ZNF148: variants seen among roughly 807,000 people sequenced by gnomAD.
ZNF148 encodes Beta-Enolase Repressor Factor-1.
Under a neutral mutation model 67.7 loss-of-function variants are expected in ZNF148, and 7 were observed. That is an observed-to-expected ratio of 0.10 (90% CI 0.06 to 0.19). The LOEUF is 0.19. ZNF148 is among the 10% of genes least tolerant of loss of function. The pLI, the probability that ZNF148 is intolerant of heterozygous loss-of-function variation, is 1.00. For synonymous variants in ZNF148, 333 were observed against 330.7 expected (o/e 1.01, Z -0.08); for missense variants, 583 against 947.1 (o/e 0.62, Z 5.05).
intron 1 of ZNF148, among the ~76,000 whole-genome samples, chr3:125,337,439 A>T (rs1429973304): frequency 6.6e-6 from 1 of 152,210 alleles, no homozygotes; most frequent in African/African-American, 2.4e-5. Context: ...CCTTCCCCAG[A>T]TAATGTAAAT....
At chr3:125,338,609 G>T (rs191051548) in intron 1 of ZNF148, among the ~76,000 whole-genome samples, 2 of 117,144 alleles carry the variant, frequency 1.7e-5, no homozygotes, top group African/African-American at 3.4e-5. Context: ...GCAGTGAGCC[G>T]ACATTGTGCC....
At chr3:125,284,339 A>T (rs1422415973) in intron 5 of ZNF148, among the ~76,000 whole-genome samples, 1 of 152,192 alleles carries the variant, frequency 6.6e-6, no homozygotes, top group Admixed American at 6.5e-5. Context: ...TTTCAAGCTT[A>T]AGAGTATAAC....
rs939698124 is a variant in ZNF148, at chr3:125,348,406, G to A, written c.-233-17168C>T. 1.9e-4 allele frequency among the ~76,000 whole-genome samples: 28 copies of A among 148,572 alleles called. 1 individual carries two copies. The highest frequency in any genetic ancestry group is 3.0e-5 in the Non-Finnish European group (2 of 67,622). ...TGAGACAGGAGGATCACTCGGGCCC[G>A]AGACGCCAAGGTTGCAGTGAGCTGT... On this transcript the variant is annotated intron_variant, in intron 1 of 8. Coordinates refer to ENST00000360647, the MANE Select transcript of ZNF148 (RefSeq NM_021964.3).
rs1245997872 is a variant in ZNF148, at chr3:125,318,459, G to A, written c.-16-4803C>T. The stretch of plus-strand genomic sequence containing the variant: ...CAGAAGAGAGGAGGAAAGAAAGAAT[G>A]CTTCCTTTAAATCTTATTACTCACA... On this transcript the variant is annotated intron_variant, in intron 3 of 8. Transcript: ENST00000360647. Among the ~76,000 whole-genome samples, 4 of 152,102 alleles carry A rather than the reference G, an allele frequency of 2.6e-5. No individual in the cohort carries two copies. The South Asian group carries it at 8.3e-4, about 32-fold the overall frequency.
At position 125,336,677 on chromosome 3, in the gene ZNF148, C is replaced by CTTTTTTTTTTTTTTTT. The variant is rs71148176; in HGVS notation, c.-233-5455_-233-5440dup. On this transcript the variant is annotated intron_variant, in intron 1 of 8. Transcript: ENST00000360647. Reference sequence around the variant, plus strand: ...TCAAACCAACCACCCCAGAAATCACCTTTTTTTTTTTTTTTTTTGAGATGT... The same window carrying CTTTTTTTTTTTTTTTT: ...TCAAACCAACCACCCCAGAAATCACCTTTTTTTTTTTTTTTTTTTTTTTTTTTTTTTTTTGAGATGT... Among the ~76,000 whole-genome samples the CTTTTTTTTTTTTTTTT allele has an allele frequency of 4.2e-5, 4 of 95,336 alleles. 1 individual carries two copies. Among genetic ancestry groups the CTTTTTTTTTTTTTTTT allele is most frequent in the African/African-American group, 1.3e-4 (3 of 22,476 alleles). The allele number at this position is 95,336 out of a possible 152,430, so 62.5% of individuals were successfully genotyped here. A position where few individuals can be genotyped will look rare whatever the true frequency, so the allele number is the denominator to read the frequency against.
intron 4 of ZNF148, among the ~76,000 whole-genome samples, chr3:125,312,217 A>G (rs1316255135): frequency 6.6e-6 from 1 of 152,214 alleles, no homozygotes; most frequent in Admixed American, 6.5e-5. Context: ...ACCACATCTA[A>G]AAAGAACTAT....
intron 4 of ZNF148, among the ~76,000 whole-genome samples, chr3:125,299,045 T>TA (rs1446228611): frequency 2.0e-5 from 3 of 152,248 alleles, no homozygotes; most frequent in African/African-American, 7.2e-5. Context: ...TCTTTGGAAT[T>TA]AGAGTAGTAG....
intron 8 of ZNF148, 26 bp downstream of exon 8, chr3:125,234,185 G>C: frequency 6.9e-7 from 1 of 1,441,604 alleles, no homozygotes. Flanking sequence ...AATTACAGTA[G>C]AAGAATTTCA....
At chr3:125,362,227 A>T (rs1457744147) in intron 1 of ZNF148, among the ~76,000 whole-genome samples, 1 of 152,070 alleles carries the variant, frequency 6.6e-6, no homozygotes, top group Non-Finnish European at 1.5e-5. Flanking sequence ...AAATACTCGA[A>T]CCCTTCTATA....
At chr3:125,291,538 G>T (rs1297467751) in intron 4 of ZNF148, among the ~76,000 whole-genome samples, 1 of 152,024 alleles carries the variant, frequency 6.6e-6, no homozygotes. Context: ...AAGGAAGGTG[G>T]TCTTTCTGTT....
intron 7 of ZNF148, among the ~76,000 whole-genome samples, chr3:125,259,255 T>TG (rs1937230357): frequency 6.6e-6 from 1 of 152,074 alleles, no homozygotes; most frequent in Non-Finnish European, 1.5e-5. Context: ...AATAAACACA[T>TG]GAAAAAATGC....
At position 125,325,376 on chromosome 3, in the gene ZNF148, T is replaced by C. The variant is rs114045274; in HGVS notation, c.-152-1932A>G. 8.0e-3 allele frequency among the ~76,000 whole-genome samples: 1,216 copies of C among 152,082 alleles called. 20 individuals carry two copies. The highest frequency in any genetic ancestry group is 0.028 in the African/African-American group (1,152 of 41,482). ...AGCCTCAAAGACGTATGGAACAACA[T>C]TCAGCTTACCAACATTTTGAGTACC... On this transcript the variant is annotated intron_variant, in intron 2 of 8. Transcript: ENST00000360647.
At chr3:125,357,809 C>T (rs1172678952) in intron 1 of ZNF148, 1 of 152,272 alleles carries the variant, frequency 6.6e-6, no homozygotes, top group African/African-American at 2.4e-5. Flanking sequence ...CAAAACGCTG[C>T]AGAACACAGC....
At chr3:125,277,613 T>A (rs914210470) in intron 7 of ZNF148, 113 bp downstream of exon 7, 2 of 813,468 alleles carry the variant, frequency 2.5e-6, no homozygotes, top group African/African-American at 3.6e-5. Flanking sequence ...TAACCTGTGA[T>A]TTATAGTCTA....
chr3:125,233,175 T>A lies in ZNF148; in HGVS notation c.1551A>T (p.Ile517=), dbSNP rs780126589. 1.9e-6 allele frequency: 3 copies of A among 1,613,932 alleles called. No individual in the cohort carries two copies. The highest frequency in any genetic ancestry group is 2.2e-5 in the South Asian group (2 of 91,078). The change falls in exon 9 of 9, where the codon ATA becomes ATT. Residue 517 remains isoleucine, a synonymous_variant. Coordinates refer to ENST00000360647, the MANE Select transcript of ZNF148 (RefSeq NM_021964.3). This position sits in a 1 kb window ranked among gnomAD's most constrained non-coding sequence, Gnocchi z 5.1. ...CCACATTCAGTGCCTGTGACTCTAA[T>A]ATGGATGCCGTGGTACTTTCATCAA... ...SVIDESTTAS[I]LESQALNVEI... is the part of the protein sequence containing the mutation.
intron 4 of ZNF148, among the ~76,000 whole-genome samples, chr3:125,293,300 C>A (rs1430727467): frequency 6.6e-6 from 1 of 152,080 alleles, no homozygotes; most frequent in Non-Finnish European, 1.5e-5. Context: ...AATACAGATG[C>A]CCGGGCCCTA....
At chr3:125,303,348 C>T (rs1370739611) in intron 4 of ZNF148, among the ~76,000 whole-genome samples, 3 of 152,302 alleles carry the variant, frequency 2.0e-5, no homozygotes, top group African/African-American at 2.4e-5. Context: ...ACTCCCAGGC[C>T]GTGGACCAGC....
At chr3:125,283,209 T>C (rs1374572136) in intron 5 of ZNF148, among the ~76,000 whole-genome samples, 1 of 152,114 alleles carries the variant, frequency 6.6e-6, no homozygotes, top group African/African-American at 2.4e-5. Flanking sequence ...TCACGGCAAC[T>C]TGACTGTCCT....
chr3:125,358,437 T>C (rs1189325268), intron 1 of ZNF148, among the ~76,000 whole-genome samples: 1 of 152,216 alleles, frequency 6.6e-6, no homozygotes, highest in Admixed American at 6.5e-5. Flanking sequence ...AATACATAAA[T>C]AACTTTCTCA....
Sources: allele counts gnomAD v4.1 joint callset (sites outside exome capture counted in the v4.1 genomes callset), GRCh38; gene constraint gnomAD v4.1.1; non-coding constraint Gnocchi (gnomAD v3.1); transcripts MANE v1.5; gene names NCBI Gene and HGNC (gene_info 2026-07-23, HGNC 2026-07-21).